The following SPMIP7 variants were observed in gnomAD, a reference collection of about 807,000 sequenced individuals.
SPMIP7 encodes the protein protein SPMIP7.
At chr7:50,119,285 A>C in the SPMIP7 span, among the ~76,000 whole-genome samples, 1 of 152,320 alleles carries the variant, frequency 6.6e-6, no homozygotes, top group East Asian at 1.9e-4. Flanking sequence ...TTGAAGGTAA[A>C]CCTGACCAGG....
chr7:50,142,354 G>T, the SPMIP7 span: 1 of 152,196 alleles, frequency 6.6e-6, no homozygotes, highest in African/African-American at 2.4e-5. Context: ...ACATTTTAAA[G>T]ATTTGGTGTA....
the SPMIP7 span, chr7:50,129,904 C>A: frequency 1.5e-6 from 1 of 679,288 alleles, no homozygotes; most frequent in Non-Finnish European, 2.5e-6. Context: ...ACACAGAGGA[C>A]ATCAAACGCA....
At chr7:50,146,875 C>G in the SPMIP7 span, among the ~76,000 whole-genome samples, 1 of 152,238 alleles carries the variant, frequency 6.6e-6, no homozygotes, top group Non-Finnish European at 1.5e-5. Flanking sequence ...ATGCTGGGCA[C>G]TGTGCCAGGC....
the SPMIP7 span, among the ~76,000 whole-genome samples, chr7:50,156,077 A>T: frequency 6.6e-6 from 1 of 152,152 alleles, no homozygotes; most frequent in African/African-American, 2.4e-5. Flanking sequence ...TTCTGGCATG[A>T]AAAAGCATGG....
At chr7:50,109,313 G>C in the SPMIP7 span, among the ~76,000 whole-genome samples, 2 of 152,042 alleles carry the variant, frequency 1.3e-5, no homozygotes, top group African/African-American at 4.8e-5. Flanking sequence ...AATAAGAAAT[G>C]TTTTCCTTTA....
chr7:50,099,280 A>C, the SPMIP7 span, among the ~76,000 whole-genome samples: 1 of 152,086 alleles, frequency 6.6e-6, no homozygotes, highest in East Asian at 1.9e-4. Context: ...GCGGTACTAA[A>C]ATATCCTACT....
At chr7:50,136,807 T>G in the SPMIP7 span, among the ~76,000 whole-genome samples, 15 of 152,318 alleles carry the variant, frequency 9.8e-5, no homozygotes, top group East Asian at 2.9e-3. Flanking sequence ...CTGTTCATTT[T>G]TGCTCGTAAC....
the SPMIP7 span, chr7:50,136,231 T>C: frequency 8.4e-7 from 1 of 1,190,004 alleles, no homozygotes; most frequent in Non-Finnish European, 1.2e-6. Context: ...ATTAAGAAGC[T>C]GATGCTGTAG....
chr7:50,131,879 A>G, the SPMIP7 span, among the ~76,000 whole-genome samples: 1 of 152,100 alleles, frequency 6.6e-6, no homozygotes, highest in African/African-American at 2.4e-5. Flanking sequence ...AGAGGCAACA[A>G]AGAGAATAAA....
At chr7:50,138,795 G>A in the SPMIP7 span, among the ~76,000 whole-genome samples, 124,751 of 151,524 alleles carry the variant, frequency 0.82, 51,373 homozygotes, top group East Asian at 0.92. Context: ...GGTAGAAAAA[G>A]GAATGAAATG....
chr7:50,137,579 A>G, the SPMIP7 span, among the ~76,000 whole-genome samples: 1 of 152,048 alleles, frequency 6.6e-6, no homozygotes, highest in Non-Finnish European at 1.5e-5. Flanking sequence ...CTGCTTTTTA[A>G]ATATTGCTAT....
the SPMIP7 span, among the ~76,000 whole-genome samples, chr7:50,113,696 AAGAAGTCTAAC>A: frequency 1.3e-5 from 2 of 152,140 alleles, no homozygotes; most frequent in African/African-American, 4.8e-5. Flanking sequence ...GGTATCTAGT[AAGAAGTCTAAC>A]ATACATGCAT....
the SPMIP7 span, among the ~76,000 whole-genome samples, chr7:50,102,558 C>T: frequency 8.4e-4 from 128 of 152,172 alleles, no homozygotes; most frequent in African/African-American, 2.8e-3. Flanking sequence ...CACTGAGGTC[C>T]GCTGACACTC....
chr7:50,151,201 A>G, the SPMIP7 span, among the ~76,000 whole-genome samples: 5 of 152,164 alleles, frequency 3.3e-5, no homozygotes, highest in Non-Finnish European at 7.4e-5. Context: ...TAGCAGAAAA[A>G]CATGAACTTG....
chr7:50,150,004 G>A, the SPMIP7 span, among the ~76,000 whole-genome samples: 1 of 152,078 alleles, frequency 6.6e-6, no homozygotes, highest in Non-Finnish European at 1.5e-5. Flanking sequence ...ACCGGGGACT[G>A]AATCTTCCTC....
chr7:50,125,242 A>C, the SPMIP7 span, among the ~76,000 whole-genome samples: 2 of 36,436 alleles, frequency 5.5e-5, no homozygotes, highest in Non-Finnish European at 1.2e-4. Flanking sequence ...ATATATACAC[A>C]TATATACACA....
chr7:50,110,981 A>G, the SPMIP7 span, among the ~76,000 whole-genome samples: 2 of 143,276 alleles, frequency 1.4e-5, no homozygotes, highest in East Asian at 4.0e-4. Flanking sequence ...ATCAGCTAAT[A>G]TATATAATAA....
the SPMIP7 span, chr7:50,141,140 A>G: frequency 3.6e-6 from 2 of 549,714 alleles, no homozygotes; most frequent in African/African-American, 1.9e-5. Context: ...TTGTTCTATC[A>G]TTATGCTTTA....
the SPMIP7 span, among the ~76,000 whole-genome samples, chr7:50,100,824 T>TAAATAAATAAATAAATAAAG: frequency 6.6e-6 from 1 of 150,802 alleles, no homozygotes; most frequent in Non-Finnish European, 1.5e-5. Flanking sequence ...AATAAATAAA[T>TAAATAAATAAATAAATAAAG]AAATAAATAA....
Sources: gnomAD v4.1 joint callset for allele counts (sites outside exome capture counted in the v4.1 genomes callset) on GRCh38, gnomAD v4.1.1 for gene constraint, MANE v1.5 for transcripts, NCBI Gene and HGNC (gene_info 2026-07-23, HGNC 2026-07-21) for gene names.